ATP2B2: variants seen among roughly 807,000 people sequenced by gnomAD.
ATP2B2 encodes the protein ATPase plasma membrane Ca2+ transporting 2, also known as plasma membrane calcium-transporting ATPase 2.
Under a neutral mutation model 120.0 loss-of-function variants are expected in ATP2B2, and 15 were observed. The ratio of observed to expected loss-of-function variants is 0.12; its 90% CI spans 0.08 to 0.19. ATP2B2 has a LOEUF of 0.19. Ranked by LOEUF, ATP2B2 falls within the 10% of genes least tolerant of loss-of-function variation. The pLI is 1.00. For synonymous variants in ATP2B2, 694 were observed against 700.3 expected (o/e 0.99, Z 0.14); for missense variants, 1,045 against 1,719.8 (o/e 0.61, Z 6.94).
In ATP2B2 at chr3:10,343,461, C is replaced by G. The variant is rs1272214038; in HGVS notation, c.2704-496G>C. On this transcript the variant is annotated intron_variant, in intron 18 of 22. Transcript: ENST00000360273. This position sits in a 1 kb window ranked among gnomAD's most constrained non-coding sequence, Gnocchi z 4.2. Reference sequence around the variant, plus strand: ...TACCTTAAAAAATTATTGTGCGTATCTATGACTCAAAAATTAATACATTTC... The same window carrying G: ...TACCTTAAAAAATTATTGTGCGTATGTATGACTCAAAAATTAATACATTTC... Among the ~76,000 whole-genome samples the G allele has an allele frequency of 6.9e-6, 1 of 145,700 alleles. No homozygotes were observed. The highest frequency in any genetic ancestry group is 1.5e-5 in the Non-Finnish European group (1 of 66,958).
At chr3:10,456,293 T>G (rs1013564574) in intron 1 of ATP2B2, among the ~76,000 whole-genome samples, 1 of 152,244 alleles carries the variant, frequency 6.6e-6, no homozygotes, top group Non-Finnish European at 1.5e-5. Flanking sequence ...TAAGACATGC[T>G]GAATTTAAGT....
At chr3:10,628,176 C>T (rs1192413564) in intron 1 of ATP2B2, among the ~76,000 whole-genome samples, 1 of 152,238 alleles carries the variant, frequency 6.6e-6, no homozygotes, top group African/African-American at 2.4e-5. Context: ...CCCAGGGCCT[C>T]AGGGCCCATG....
chr3:10,564,102 C>T (rs1207711251), intron 2 of ATP2B2, among the ~76,000 whole-genome samples: 1 of 152,208 alleles, frequency 6.6e-6, no homozygotes, highest in South Asian at 2.1e-4. Context: ...CATTCTAGGT[C>T]TAGCCTTGGC....
At chr3:10,445,974 C>T (rs900243995) in intron 2 of ATP2B2, among the ~76,000 whole-genome samples, 1 of 152,210 alleles carries the variant, frequency 6.6e-6, no homozygotes, top group Non-Finnish European at 1.5e-5. Flanking sequence ...CTTGGCCCCA[C>T]CCTATTCAGG....
rs1156351627 is a variant in ATP2B2 at position 10,343,739 on chromosome 3, C to T, written c.2704-774G>A. ...CACGTCACCAGCACCTTCTGTGCCA[C>T]GAGTTGCAGGACCTCTTCTCGGCCA... On this transcript the variant is annotated intron_variant, in intron 18 of 22. Coordinates refer to ENST00000360273, the MANE Select transcript of ATP2B2 (RefSeq NM_001001331.4). This position sits in a 1 kb window ranked among gnomAD's most constrained non-coding sequence, Gnocchi z 4.2. 6.6e-6 allele frequency among the ~76,000 whole-genome samples: 1 copy of T among 152,126 alleles called. No homozygotes were observed. The highest frequency in any genetic ancestry group is 6.5e-5 in the Admixed American group (1 of 15,272).
intron 2 of ATP2B2, among the ~76,000 whole-genome samples, chr3:10,576,787 G>A (rs376510058): frequency 5.3e-5 from 8 of 152,088 alleles, no homozygotes; most frequent in African/African-American, 1.4e-4. Flanking sequence ...AGCTGGGGCC[G>A]GGCGCGGTGG....
chr3:10,668,019 C>T (rs186875964), intron 1 of ATP2B2, among the ~76,000 whole-genome samples: 119 of 152,286 alleles, frequency 7.8e-4, no homozygotes, highest in African/African-American at 2.5e-3. Flanking sequence ...GGGGTGGGGG[C>T]GCTCAGTGGC....
At chr3:10,578,039 T>C (rs2068294456) in intron 2 of ATP2B2, among the ~76,000 whole-genome samples, 1 of 152,188 alleles carries the variant, frequency 6.6e-6, no homozygotes, top group Non-Finnish European at 1.5e-5. Flanking sequence ...TCAGTAACCC[T>C]GTGATCTAGG....
chr3:10,519,396 G>C (rs1382751812), intron 3 of ATP2B2, among the ~76,000 whole-genome samples: 1 of 152,220 alleles, frequency 6.6e-6, no homozygotes, highest in African/African-American at 2.4e-5. Context: ...TTGAGGACTT[G>C]GCTAATGAGG....
chr3:10,480,329 G>A (rs561963278), intron 1 of ATP2B2, among the ~76,000 whole-genome samples: 5 of 152,210 alleles, frequency 3.3e-5, no homozygotes, highest in East Asian at 1.9e-4. Flanking sequence ...TGAAAGTGTC[G>A]AGCACCAAAT....
At chr3:10,598,917 A>T (rs1395588390) in intron 2 of ATP2B2, among the ~76,000 whole-genome samples, 1 of 152,206 alleles carries the variant, frequency 6.6e-6, no homozygotes, top group African/African-American at 2.4e-5. Context: ...CCATGGATCT[A>T]ATAAGACGTT....
rs1326829846 is a variant in ATP2B2, at chr3:10,328,665, G to C, written c.*149C>G. On this transcript the variant is annotated 3_prime_UTR_variant, in exon 23 of 23. Coordinates refer to ENST00000360273, the MANE Select transcript of ATP2B2 (RefSeq NM_001001331.4). ...TCGCAGCCAGAGAAAGGGTCTGTGG[G>C]TGGAAACGTTGGTTTTCTCTCCAGT... 6.4e-6 allele frequency: 5 copies of C among 775,298 alleles called. No individual in the cohort carries two copies. The African/African-American group carries it at 8.8e-5, about 14-fold the overall frequency. The allele number at this position is 775,298 out of a possible 1,614,324, so 48.0% of individuals were successfully genotyped here.
In ATP2B2 at chr3:10,402,475, C is replaced by CCCAGACACACTGAG; in HGVS notation, c.398-128_398-127insCTCAGTGTGTCTGG. 5 of 1,387,540 alleles carry CCCAGACACACTGAG rather than the reference C, an allele frequency of 3.6e-6. No homozygotes were observed. Among genetic ancestry groups the CCCAGACACACTGAG allele is most frequent in the African/African-American group, 1.4e-5 (1 of 70,732 alleles). The allele number at this position is 1,387,540 out of a possible 1,614,324, so 86.0% of individuals were successfully genotyped here. ...GAATCAGATGATAATTATCCACTTA[C>CCCAGACACACTGAG]TCAGTGTGTCTGGGTACCAAGCCCT... On this transcript the variant is annotated intron_variant, in intron 3 of 22. Transcript: ENST00000360273. This position sits in a 1 kb window ranked among gnomAD's most constrained non-coding sequence, Gnocchi z 4.9.
rs1273280781 is a variant in ATP2B2, at chr3:10,328,175, A to G, written c.*639T>C. ...TATATGGACGTATACAGTCTCGGAA[A>G]AGTATACGTTGATATAGATACAAAG... On this transcript the variant is annotated 3_prime_UTR_variant, in exon 23 of 23. Transcript: ENST00000360273. 6.6e-6 allele frequency: 1 copy of G among 151,818 alleles called. No homozygotes were observed. Among genetic ancestry groups the G allele is most frequent in the African/African-American group, 2.4e-5 (1 of 41,286 alleles). 9.4% of individuals were successfully genotyped at this position (151,818 alleles called of 1,614,324 possible). A position where few individuals can be genotyped will look rare whatever the true frequency, so the allele number is the denominator to read the frequency against.
At chr3:10,517,001 A>C (rs1182527943) in intron 3 of ATP2B2, among the ~76,000 whole-genome samples, 1 of 152,072 alleles carries the variant, frequency 6.6e-6, no homozygotes, top group African/African-American at 2.4e-5. Flanking sequence ...AAAAAAAGCC[A>C]CAGGCATGCT....
At chr3:10,680,394 T>C (rs1486243536) in intron 1 of ATP2B2, among the ~76,000 whole-genome samples, 1 of 152,066 alleles carries the variant, frequency 6.6e-6, no homozygotes, top group African/African-American at 2.4e-5. Context: ...TGTCTGTCTC[T>C]GTGGGAGCGA....
chr3:10,369,418 G>A (rs1197643279), intron 12 of ATP2B2, among the ~76,000 whole-genome samples: 1 of 152,160 alleles, frequency 6.6e-6, no homozygotes, highest in Non-Finnish European at 1.5e-5. Context: ...CTGCAGGGTT[G>A]GTATCTATGA....
At chr3:10,368,547 C>T (rs1408979427) in intron 12 of ATP2B2, among the ~76,000 whole-genome samples, 1 of 152,058 alleles carries the variant, frequency 6.6e-6, no homozygotes, top group Admixed American at 6.6e-5. Flanking sequence ...CATCCATCCA[C>T]CCATCCACCT....
chr3:10,372,470 C>T (rs567217162), intron 11 of ATP2B2, among the ~76,000 whole-genome samples: 13 of 152,168 alleles, frequency 8.5e-5, no homozygotes, highest in African/African-American at 2.2e-4. Context: ...CTTTCACTGG[C>T]GCCTGGCTTT....
Sources: allele counts gnomAD v4.1 joint callset (sites outside exome capture counted in the v4.1 genomes callset), GRCh38; gene constraint gnomAD v4.1.1; non-coding constraint Gnocchi (gnomAD v3.1); transcripts MANE v1.5; gene names NCBI Gene and HGNC (gene_info 2026-07-23, HGNC 2026-07-21).